CNKSR2: variants seen among roughly 807,000 people sequenced by gnomAD.
CNKSR2 encodes the protein connector enhancer of kinase suppressor of Ras 2.
CNKSR2 carries 14 observed loss-of-function variants against 84.4 expected under a neutral mutation model. That is an observed-to-expected ratio of 0.17 (90% CI 0.11 to 0.26). The LOEUF (loss-of-function observed/expected upper bound fraction) is 0.26. CNKSR2 is among the 10% of genes least tolerant of loss of function. The pLI is 1.00. For missense variants in CNKSR2, 485 were observed against 771.2 expected (o/e 0.63, Z 4.40); for synonymous variants, 275 against 277.9 (o/e 0.99, Z 0.10).
At chrX:21,635,452 C>CTA (rs755607660) in intron 20 of CNKSR2, among the ~76,000 whole-genome samples, 1 of 87,899 alleles carries the variant, frequency 1.1e-5, no homozygotes, top group African/African-American at 4.2e-5. Flanking sequence ...ATATATACAC[C>CTA]TATATATATG....
At chrX:21,651,226 G>A (rs905501442) in intron 21 of CNKSR2, among the ~76,000 whole-genome samples, 13 of 111,954 alleles carry the variant, frequency 1.2e-4, no homozygotes, top group Admixed American at 8.5e-4. Flanking sequence ...GAAAGATAAC[G>A]AAAAGTCACT....
At chrX:21,485,850 G>A (rs990259764) in intron 5 of CNKSR2, among the ~76,000 whole-genome samples, 1 of 111,463 alleles carries the variant, frequency 9.0e-6, no homozygotes. Context: ...AAAATACCTC[G>A]GGGGCTGGGT....
intron 13 of CNKSR2, among the ~76,000 whole-genome samples, chrX:21,583,580 A>G (rs760230094): frequency 8.9e-6 from 1 of 111,989 alleles, no homozygotes; most frequent in South Asian, 3.7e-4. Flanking sequence ...CTAGTCACTG[A>G]AGAAATCTTG....
At chrX:21,472,303 G>C (rs1039772932) in intron 5 of CNKSR2, among the ~76,000 whole-genome samples, 1 of 111,834 alleles carries the variant, frequency 8.9e-6, no homozygotes, top group Non-Finnish European at 1.9e-5. Flanking sequence ...TTCGACTTTG[G>C]TATGCTGCTG....
intron 4 of CNKSR2, among the ~76,000 whole-genome samples, chrX:21,454,915 T>C (rs1217467869): frequency 6.2e-5 from 7 of 112,011 alleles, no homozygotes; most frequent in African/African-American, 9.7e-5. Context: ...TGCAAAGTTA[T>C]GTGGCAGTAA....
intron 1 of CNKSR2, among the ~76,000 whole-genome samples, chrX:21,409,778 A>G (rs1020381980): frequency 6.3e-5 from 7 of 111,006 alleles, no homozygotes; most frequent in Middle Eastern, 4.6e-3. Flanking sequence ...TGGGAAAATA[A>G]GGAAGTTCTC....
intron 8 of CNKSR2, among the ~76,000 whole-genome samples, chrX:21,514,957 T>C (rs2091712186): frequency 9.0e-6 from 1 of 110,534 alleles, no homozygotes; most frequent in Non-Finnish European, 1.9e-5. Flanking sequence ...AATATACCTT[T>C]GGGCACATAA....
intron 1 of CNKSR2, among the ~76,000 whole-genome samples, chrX:21,404,963 A>G (rs1352449003): frequency 1.8e-5 from 2 of 111,036 alleles, no homozygotes; most frequent in South Asian, 3.8e-4. Context: ...TATGTAAACT[A>G]AAATACAAAT....
intron 20 of CNKSR2, chrX:21,643,677 A>G (rs780810057): frequency 1.4e-4 from 16 of 112,020 alleles, no homozygotes; most frequent in African/African-American, 4.8e-4. Context: ...TTATTTCCCA[A>G]TAGTAATGTT....
At chrX:21,437,107 A>G (rs962445951) in intron 3 of CNKSR2, among the ~76,000 whole-genome samples, 3 of 111,777 alleles carry the variant, frequency 2.7e-5, no homozygotes, top group African/African-American at 9.8e-5. Context: ...AATGGTCAGG[A>G]AAGTGGAAGA....
intron 10 of CNKSR2, among the ~76,000 whole-genome samples, chrX:21,528,660 A>G (rs1601906134): frequency 9.0e-6 from 1 of 111,530 alleles, no homozygotes; most frequent in East Asian, 2.8e-4. Flanking sequence ...AAATATCAAC[A>G]TAGTGACCCT....
intron 1 of CNKSR2, among the ~76,000 whole-genome samples, chrX:21,393,201 C>A (rs1158578906): frequency 8.9e-6 from 1 of 112,261 alleles, no homozygotes; most frequent in East Asian, 2.8e-4. Context: ...TGATTTGCTG[C>A]CAAATGTCTT....
chrX:21,615,343 T>C (rs1420497821), intron 20 of CNKSR2, among the ~76,000 whole-genome samples: 1 of 112,225 alleles, frequency 8.9e-6, no homozygotes, highest in African/African-American at 3.2e-5. Flanking sequence ...TTATTGTTGC[T>C]CATGGAATGA....
At position 21,563,271 on chromosome X, in the gene CNKSR2, A is replaced by C; in HGVS notation, c.1427A>C (p.Lys476Thr). 1 of 1,208,473 alleles carries C rather than the reference A, an allele frequency of 8.3e-7. No homozygotes were observed. Among genetic ancestry groups the C allele is most frequent in the Middle Eastern group, 2.3e-4 (1 of 4,338 alleles). Residue 476 changes from lysine (K) to threonine (T), a missense_variant, in exon 13 of 22, where the codon AAG becomes ACG. This residue lies in a region of CNKSR2 where 132 missense variants were observed against 166.7 expected (regional missense o/e 0.79). Transcript: ENST00000379510. The stretch of plus-strand genomic sequence containing the variant: ...CTACTTCGGTATATGAGCAATGAAA[A>C]GATTGCTCAAGAAGAATACATGTTT... ...NSLLRYMSNE[K>T]IAQEEYMFQR...
chrX:21,606,906 ATC>A, intron 19 of CNKSR2, 27 bp downstream of exon 19: 1 of 810,552 alleles, frequency 1.2e-6, no homozygotes, highest in Non-Finnish European at 1.8e-6. Context: ...AACATTACTT[ATC>A]ACCAGATTCT....
At chrX:21,591,747 G>T (rs1334912582) in intron 15 of CNKSR2, 1 of 110,364 alleles carries the variant, frequency 9.1e-6, no homozygotes, top group East Asian at 2.8e-4. Context: ...TTATTCTTAT[G>T]ATTTTCTGGG....
At chrX:21,594,872 G>T in intron 15 of CNKSR2, 102 bp from the exon 16 acceptor site, 1 of 552,215 alleles carries the variant, frequency 1.8e-6, no homozygotes. Context: ...AGGAATTAAA[G>T]GAACGGATTT....
rs1047623524 is a variant in CNKSR2, at chrX:21,507,920, A to G, written c.810+6332A>G. ...GTCTTTTCTTTTTATTTCAAAATAC[A>G]TATTTTTCCAGCATCTTTGTAAGAA... On this transcript the variant is annotated intron_variant, in intron 8 of 21. Transcript: ENST00000379510. Among the ~76,000 whole-genome samples, 14 of 112,078 alleles carry G rather than the reference A, an allele frequency of 1.2e-4. No homozygotes were observed. The East Asian group carries it at 2.5e-3, about 20-fold the overall frequency.
chrX:21,485,384 TC>T (rs1212256656), intron 5 of CNKSR2, among the ~76,000 whole-genome samples: 1 of 109,289 alleles, frequency 9.2e-6, no homozygotes, highest in African/African-American at 3.5e-5. Context: ...CTAAATATGC[TC>T]TGCTCTGATC....
Sources: allele counts gnomAD v4.1 joint callset (sites outside exome capture counted in the v4.1 genomes callset), GRCh38; gene constraint gnomAD v4.1.1; regional missense constraint gnomAD v4.1.1; transcripts MANE v1.5; gene names NCBI Gene and HGNC (gene_info 2026-07-23, HGNC 2026-07-21).